Variants in KCNAB2 observed in about 807,000 individuals in gnomAD.
The protein encoded by KCNAB2 is potassium voltage-gated channel subfamily A regulatory beta subunit 2, also known as voltage-gated potassium channel subunit beta-2.
A neutral mutation model predicts 63.6 loss-of-function variants in KCNAB2; 29 were observed. The observed-to-expected ratio is 0.46, with a 90% CI of 0.34 to 0.62. The LOEUF is 0.62. Ranked by LOEUF, KCNAB2 falls within the 20% of genes least tolerant of loss-of-function variation. The pLI, the probability that KCNAB2 is intolerant of heterozygous loss-of-function variation, is 0.01. For missense variants in KCNAB2, 359 were observed against 563.9 expected (o/e 0.64, Z 3.68); for synonymous variants, 222 against 224.2 (o/e 0.99, Z 0.09).
At chr1:6,044,144 CCA>C (rs1269679108), upstream of KCNAB2, among the ~76,000 whole-genome samples, 2 of 152,148 alleles carry the variant, frequency 1.3e-5, no homozygotes, top group African/African-American at 4.8e-5. Flanking sequence ...AGGAACCAGC[CCA>C]CAGTCAAGGG....
At chr1:6,025,401 G>A (rs1362184535) in intron 1 of KCNAB2, among the ~76,000 whole-genome samples, 3 of 152,184 alleles carry the variant, frequency 2.0e-5, no homozygotes, top group African/African-American at 7.2e-5. Context: ...AGCTTGGGCT[G>A]TGCCCAGAGT....
chr1:6,080,707 C>T (rs1664125189), intron 4 of KCNAB2, among the ~76,000 whole-genome samples: 1 of 152,196 alleles, frequency 6.6e-6, no homozygotes. Flanking sequence ...GAGAGGTTGG[C>T]AGATCTCTAG....
intron 1 of KCNAB2, among the ~76,000 whole-genome samples, chr1:6,004,596 C>T (rs372987925): frequency 1.3e-5 from 2 of 149,386 alleles, no homozygotes; most frequent in African/African-American, 4.9e-5. Flanking sequence ...AGATTCTGCC[C>T]CCATCGCCAC....
At chr1:6,056,515 C>T (rs1661841663) in intron 2 of KCNAB2, among the ~76,000 whole-genome samples, 1 of 152,170 alleles carries the variant, frequency 6.6e-6, no homozygotes, top group Admixed American at 6.5e-5. Context: ...GAGATGTGGC[C>T]TCAGAATGGC....
chr1:6,025,097 G>A (rs1478065154), intron 1 of KCNAB2, among the ~76,000 whole-genome samples: 2 of 151,868 alleles, frequency 1.3e-5, no homozygotes, highest in Non-Finnish European at 2.9e-5. Context: ...TTTGTCTCTC[G>A]ACACCTCTAC....
chr1:6,075,330 T>C (rs1425590633), intron 4 of KCNAB2, among the ~76,000 whole-genome samples: 1 of 152,248 alleles, frequency 6.6e-6, no homozygotes, highest in African/African-American at 2.4e-5. Context: ...AAACCAGGCA[T>C]ACCCTTAGAG....
intron 1 of KCNAB2, among the ~76,000 whole-genome samples, chr1:6,025,539 A>G (rs770959954): frequency 2.6e-5 from 4 of 152,128 alleles, no homozygotes; most frequent in Non-Finnish European, 5.9e-5. Flanking sequence ...GGGGAGGGAG[A>G]AAAACCCCGC....
In KCNAB2 at chr1:6,096,012, C is replaced by T. The variant is rs1023054307; in HGVS notation, c.948+388C>T. The stretch of plus-strand genomic sequence containing the variant: ...GGCTGCAAAGCCACATGGAGGTGAC[C>T]CTGGGAGAGGCGCCCCTCCCCACCA... On this transcript the variant is annotated intron_variant, in intron 13 of 15. Transcript: ENST00000378083. The surrounding 1 kb of genome is among the most constrained non-coding windows in gnomAD (Gnocchi z 5.9). 17 of 456,362 alleles carry T rather than the reference C, an allele frequency of 3.7e-5. No homozygotes were observed. The highest frequency in any genetic ancestry group is 2.7e-4 in the South Asian group (17 of 63,828). 28.3% of individuals were successfully genotyped at this position (456,362 alleles called of 1,614,324 possible).
Position 6,069,749 on chromosome 1 carries a change from G to A in KCNAB2, c.219-3006G>A, listed in dbSNP as rs903034084. On this transcript the variant is annotated intron_variant, in intron 2 of 15. Transcript: ENST00000378083. The surrounding 1 kb of genome is among the most constrained non-coding windows in gnomAD (Gnocchi z 5.4). ...CAGCCTGGAGGCGCCCTGTCCCTTC[G>A]CATCCCTTCTCCCGAGGCCTGGCAG... is the stretch of plus-strand genomic sequence containing the variant. Among the ~76,000 whole-genome samples, 11 of 152,200 alleles carry A rather than the reference G, an allele frequency of 7.2e-5. No homozygotes were observed. The highest frequency in any genetic ancestry group is 1.4e-4 in the African/African-American group (6 of 41,446).
At chr1:6,018,201 T>C (rs1162539199) in intron 1 of KCNAB2, among the ~76,000 whole-genome samples, 1 of 152,020 alleles carries the variant, frequency 6.6e-6, no homozygotes, top group Non-Finnish European at 1.5e-5. Flanking sequence ...AATCCCAAAG[T>C]GCTGGGATTA....
At chr1:6,055,550 T>A (rs1328854034) in intron 2 of KCNAB2, among the ~76,000 whole-genome samples, 1 of 152,034 alleles carries the variant, frequency 6.6e-6, no homozygotes, top group Non-Finnish European at 1.5e-5. Flanking sequence ...GAGACAGAGT[T>A]TTGTCATGTT....
chr1:6,057,663 C>G (rs929016638), intron 2 of KCNAB2, among the ~76,000 whole-genome samples: 2 of 152,162 alleles, frequency 1.3e-5, no homozygotes, highest in Non-Finnish European at 2.9e-5. Context: ...AGTCCAACGG[C>G]CAGGTGCAGC....
At chr1:6,041,736 T>C (rs1660516555), upstream of KCNAB2, 1 of 1,131,302 alleles carries the variant, frequency 8.8e-7, no homozygotes, top group Admixed American at 1.7e-5. Context: ...TTGGTGGTTC[T>C]TTCTGACCTG....
rs1557517927 is a variant in KCNAB2 at position 6,096,427 on chromosome 1, C to T, written c.949-209C>T. The T allele has an allele frequency of 9.3e-6, 6 of 643,182 alleles. No homozygotes were observed. Among genetic ancestry groups the T allele is most frequent in the South Asian group, 8.0e-5 (4 of 49,832 alleles). The allele number at this position is 643,182 out of a possible 1,614,324, so 39.8% of individuals were successfully genotyped here. On this transcript the variant is annotated intron_variant, in intron 13 of 15. Transcript: ENST00000378083. This position sits in a 1 kb window ranked among gnomAD's most constrained non-coding sequence, Gnocchi z 5.9. Reference sequence around the variant, plus strand: ...TGCACTTCAGAGCCTGGACAGGCCCCGCTCATCCACCAGCCCGTGCCCGGC... The same window carrying T: ...TGCACTTCAGAGCCTGGACAGGCCCTGCTCATCCACCAGCCCGTGCCCGGC...
chr1:6,045,389 C>G (rs1660832143), upstream of KCNAB2, among the ~76,000 whole-genome samples: 1 of 152,184 alleles, frequency 6.6e-6, no homozygotes. The surrounding 1 kb of genome is among the most constrained non-coding windows in gnomAD (Gnocchi z 4.8). Context: ...CAGAGCTCAG[C>G]CTTGTTTGGC....
intron 1 of KCNAB2, among the ~76,000 whole-genome samples, chr1:6,008,202 C>G (rs1238923753): frequency 4.6e-5 from 7 of 152,186 alleles, no homozygotes; most frequent in Admixed American, 6.5e-5. Context: ...AAGTCCGGTT[C>G]CGCTGCGCTG....
Position 6,054,212 on chromosome 1 carries a change from C to T in KCNAB2, c.218+2458C>T, listed in dbSNP as rs577940032. Among the ~76,000 whole-genome samples the T allele has an allele frequency of 1.4e-4, 21 of 152,058 alleles. No individual in the cohort carries two copies. The South Asian group carries it at 2.1e-3, about 15-fold the overall frequency. On this transcript the variant is annotated intron_variant, in intron 2 of 15. Coordinates refer to ENST00000378083, the MANE Select transcript of KCNAB2 (RefSeq NM_001199862.2). ...CATGTGGTGATAGAGAGTGGAGTGA[C>T]GGGTCCACAACCCAAGGGACTCTGA...
intron 1 of KCNAB2, among the ~76,000 whole-genome samples, chr1:6,005,068 G>GGGGTTGT (rs1376752186): frequency 5.8e-5 from 2 of 34,546 alleles, no homozygotes; most frequent in South Asian, 1.0e-3. Context: ...GGTAGAGTGG[G>GGGGTTGT]GGACATGGAA....
intron 1 of KCNAB2, among the ~76,000 whole-genome samples, chr1:6,050,103 G>T (rs538444271): frequency 6.6e-6 from 1 of 152,328 alleles, no homozygotes; most frequent in East Asian, 1.9e-4. Context: ...TTCAAGGACC[G>T]TGCTAAAGCC....
Sources: gnomAD v4.1 joint callset for allele counts (sites outside exome capture counted in the v4.1 genomes callset) on GRCh38, gnomAD v4.1.1 for gene constraint, Gnocchi (gnomAD v3.1) non-coding constraint, MANE v1.5 for transcripts, NCBI Gene and HGNC (gene_info 2026-07-23, HGNC 2026-07-21) for gene names.